Variants in SYNE1 observed in about 807,000 individuals in gnomAD.
SYNE1 encodes spectrin repeat containing nuclear envelope protein 1, also known as nesprin-1.
SYNE1 carries 616 observed loss-of-function variants against 1,111.0 expected under a neutral mutation model. The ratio of observed to expected loss-of-function variants is 0.55; its 90% CI spans 0.52 to 0.59. The LOEUF is 0.59. SYNE1 is among the 20% of genes least tolerant of loss of function. The pLI, the probability that SYNE1 is intolerant of heterozygous loss-of-function variation, is 0.00. For missense variants in SYNE1, 10,006 were observed against 10,417.0 expected (o/e 0.96, Z 1.72); for synonymous variants, 3,855 against 3,825.8 (o/e 1.01, Z -0.28).
chr6:152,233,165 C>T (rs2083180977), intron 112 of SYNE1, among the ~76,000 whole-genome samples: 1 of 152,192 alleles, frequency 6.6e-6, no homozygotes, highest in Non-Finnish European at 1.5e-5. Flanking sequence ...CATAACCACT[C>T]ACTTTATGAG....
At chr6:152,544,076 A>T (rs906348314) in intron 3 of SYNE1, among the ~76,000 whole-genome samples, 3 of 152,248 alleles carry the variant, frequency 2.0e-5, no homozygotes, top group Non-Finnish European at 2.9e-5. Context: ...CAACTTTATT[A>T]ACAATGTTTC....
At chr6:152,136,956 G>T in intron 140 of SYNE1, 138 bp from the exon 141 acceptor site, 1 of 852,066 alleles carries the variant, frequency 1.2e-6, no homozygotes, top group Non-Finnish European at 1.9e-6. Flanking sequence ...GACAGAGGGT[G>T]CGTACCACTG....
chr6:152,297,519 T>C lies in SYNE1; in HGVS notation c.17682+3122A>G, dbSNP rs540662902. ...GGGTCACTGCTTTTCGTCTTCATCC[T>C]GAGCACATTGTGGAGTGTTTGGCAA... is the stretch of plus-strand genomic sequence containing the variant. On this transcript the variant is annotated intron_variant, in intron 93 of 145. Transcript: ENST00000367255. 5.9e-5 allele frequency among the ~76,000 whole-genome samples: 9 copies of C among 152,338 alleles called. No homozygotes were observed. The South Asian group carries it at 1.2e-3, about 21-fold the overall frequency.
chr6:152,582,279 T>C (rs1280208897), intron 3 of SYNE1, among the ~76,000 whole-genome samples: 1 of 152,128 alleles, frequency 6.6e-6, no homozygotes, highest in African/African-American at 2.4e-5. Flanking sequence ...AATATCATCA[T>C]ATCTGGAAGT....
intron 3 of SYNE1, among the ~76,000 whole-genome samples, chr6:152,618,667 TAA>T (rs1193844775): frequency 6.6e-6 from 1 of 151,878 alleles, no homozygotes; most frequent in Non-Finnish European, 1.5e-5. Flanking sequence ...TTGTGAACAA[TAA>T]AAAACAAAAA....
At position 152,294,145 on chromosome 6, in the gene SYNE1, A is replaced by C. The variant is rs769730457; in HGVS notation, c.17683-18T>G. ...GCAATGTCCTGTGAGTGCAAAGCACAGTATTGAATTAAACAAAAAGACAAA... is the reference window on the plus strand; with the variant it reads ...GCAATGTCCTGTGAGTGCAAAGCACCGTATTGAATTAAACAAAAAGACAAA... On this transcript the variant is annotated intron_variant, in intron 93 of 145. Coordinates refer to ENST00000367255, the MANE Select transcript of SYNE1 (RefSeq NM_182961.4). The C allele has an allele frequency of 1.2e-6, 2 of 1,612,690 alleles. No homozygotes were observed. Among genetic ancestry groups the C allele is most frequent in the Non-Finnish European group, 1.7e-6 (2 of 1,179,834 alleles).
intron 39 of SYNE1, among the ~76,000 whole-genome samples, chr6:152,420,363 T>C (rs1029147338): frequency 1.3e-5 from 2 of 152,206 alleles, no homozygotes; most frequent in Non-Finnish European, 2.9e-5. Flanking sequence ...CTCATGCCTG[T>C]AATCCCAACA....
chr6:152,384,250 T>A (rs567720794), intron 55 of SYNE1, among the ~76,000 whole-genome samples: 1 of 152,306 alleles, frequency 6.6e-6, no homozygotes, highest in South Asian at 2.1e-4. Context: ...GTTTCTTTGA[T>A]TCCAGAGCCT....
intron 123 of SYNE1, among the ~76,000 whole-genome samples, chr6:152,213,303 A>C (rs1042475985): frequency 1.3e-5 from 2 of 152,170 alleles, no homozygotes; most frequent in Non-Finnish European, 2.9e-5. Flanking sequence ...AAATTGTCTA[A>C]CTATCTATAC....
chr6:152,142,988 A>G (rs2058786440), intron 138 of SYNE1, among the ~76,000 whole-genome samples: 2 of 152,232 alleles, frequency 1.3e-5, no homozygotes, highest in South Asian at 4.1e-4. Context: ...TACGCGTAGG[A>G]AAGCAGGTAG....
intron 91 of SYNE1, 35 bp downstream of exon 91, chr6:152,308,454 T>TC: frequency 6.2e-7 from 1 of 1,613,970 alleles, no homozygotes; most frequent in South Asian, 1.1e-5. Flanking sequence ...CAAGCCAGTT[T>TC]CCTGCCCTCG....
rs922451227 is a variant in SYNE1, at chr6:152,519,915, T to C, written c.309+544A>G. On this transcript the variant is annotated intron_variant, in intron 6 of 145. Transcript: ENST00000367255. ...CACTGGGAAGAATATGACATCACTT[T>C]CTTGGGACTTTTTCCAAAAATGTCT... is the stretch of plus-strand genomic sequence containing the variant. 6.6e-5 allele frequency among the ~76,000 whole-genome samples: 10 copies of C among 152,286 alleles called. 1 individual carries two copies. The South Asian group carries it at 1.7e-3, about 25-fold the overall frequency.
intron 98 of SYNE1, among the ~76,000 whole-genome samples, chr6:152,277,128 G>C (rs2093681055): frequency 6.6e-6 from 1 of 151,694 alleles, no homozygotes; most frequent in African/African-American, 2.4e-5. Context: ...CTGACTTCAT[G>C]ATCTGCCAGC....
rs2096781580 is a variant in SYNE1, at chr6:152,353,671, T to C, written c.11000A>G (p.Asp3667Gly). 1 of 1,614,170 alleles carries C rather than the reference T, an allele frequency of 6.2e-7. No individual in the cohort carries two copies. The highest frequency in any genetic ancestry group is 1.1e-5 in the South Asian group (1 of 91,080). ...CATTCTGCTGTTCACGTGGCTCTCG[T>C]CCAGTATCTCCTGAGCTCTAGCTCC... ...EVGARAQEILDESHVNSRMGC... is the reference protein window; with the variant it reads ...EVGARAQEILGESHVNSRMGC... The change falls in exon 68 of 146, where the codon GAC (aspartate) becomes GGC (glycine). Residue 3667 changes from aspartate (D) to glycine (G), a missense_variant. Physicochemically the swap from Asp to Gly is moderately conservative, Grantham distance 94. Around this residue, in one of 7 missense-constraint regions of SYNE1, gnomAD observed 4,955 missense variants for 5,017.2 expected, o/e 0.99. Transcript: ENST00000367255.
Position 152,369,495 on chromosome 6 carries a change from C to T in SYNE1, c.9627G>A (p.Lys3209=). 1.2e-6 allele frequency: 2 copies of T among 1,614,158 alleles called. No homozygotes were observed. Among genetic ancestry groups the T allele is most frequent in the South Asian group, 2.2e-5 (2 of 91,088 alleles). Residue 3209 remains lysine, a synonymous_variant, in exon 60 of 146, where the codon AAG becomes AAA. Coordinates refer to ENST00000367255, the MANE Select transcript of SYNE1 (RefSeq NM_182961.4). ...CCTGGAGCTTCTGCTGCTCCCTCCT[C>T]TTTGCTGGCAGATCATAGAGGCGAT... ...SSNRLYDLPA[K]RREQQKLQSV... is the part of the protein sequence containing the mutation.
intron 98 of SYNE1, among the ~76,000 whole-genome samples, chr6:152,275,671 G>A (rs2093566700): frequency 6.6e-6 from 1 of 151,938 alleles, no homozygotes. Flanking sequence ...CCTGTGCTCA[G>A]GAGTTGAAGA....
Position 152,628,284 on chromosome 6 carries a change from A to G in SYNE1, c.48T>C (p.Asn16=). 6.2e-7 allele frequency: 1 copy of G among 1,614,132 alleles called. No homozygotes were observed. The highest frequency in any genetic ancestry group is 8.5e-7 in the Non-Finnish European group (1 of 1,180,026). ...CCCTACCTTGCAGCCTCTGCATCAC[A>G]TTGGCGATATCCCGAGGACACCGGG... ...GASRCPRDIA[N]VMQRLQDEQE... The change falls in exon 3 of 146, where the codon AAT becomes AAC. Residue 16 remains asparagine (N), a synonymous_variant. Transcript: ENST00000367255.
Position 152,330,757 on chromosome 6 carries a change from T to C in SYNE1, c.13928A>G (p.Glu4643Gly). The C allele has an allele frequency of 6.2e-7, 1 of 1,614,022 alleles. No individual in the cohort carries two copies. The highest frequency in any genetic ancestry group is 8.5e-7 in the Non-Finnish European group (1 of 1,180,044). ...LNEVDHSYLS[E>G]KLNALPRQFN... is the part of the protein sequence containing the mutation. ...TTGTCGAGGCAAAGCATTTAGCTTTTCACTGAGGTAGGAATGATCGACTTC... is the reference window on the plus strand; with the variant it reads ...TTGTCGAGGCAAAGCATTTAGCTTTCCACTGAGGTAGGAATGATCGACTTC... The change falls in exon 78 of 146, where the codon GAA becomes GGA. Residue 4643 changes from glutamate (E) to glycine (G), a missense_variant. By Grantham distance (98) the Glu-to-Gly change is moderately conservative. This residue lies in a region of SYNE1 where 4,955 missense variants were observed against 5,017.2 expected (regional missense o/e 0.99). Coordinates refer to ENST00000367255, the MANE Select transcript of SYNE1 (RefSeq NM_182961.4).
chr6:152,203,324 A>C (rs2075882486), intron 126 of SYNE1, among the ~76,000 whole-genome samples: 1 of 152,220 alleles, frequency 6.6e-6, no homozygotes, highest in South Asian at 2.1e-4. Flanking sequence ...TTATCTACAC[A>C]TTAACTCCTA....
Sources: gnomAD v4.1 joint callset for allele counts (sites outside exome capture counted in the v4.1 genomes callset) on GRCh38, gnomAD v4.1.1 for gene constraint, gnomAD v4.1.1 regional missense constraint, MANE v1.5 for transcripts, NCBI Gene and HGNC (gene_info 2026-07-23, HGNC 2026-07-21) for gene names.